The following TNS1 variants were observed in gnomAD, a reference collection of about 807,000 sequenced individuals.
TNS1 encodes tensin 1.
TNS1 carries 62 observed loss-of-function variants against 168.6 expected under a neutral mutation model. The ratio of observed to expected loss-of-function variants is 0.37; its 90% CI spans 0.30 to 0.45. TNS1 has a LOEUF of 0.45. TNS1 is among the 20% of genes least tolerant of loss of function. The pLI is 1.00. For synonymous variants in TNS1, 934 were observed against 933.2 expected, an observed-to-expected ratio of 1.00 and a Z score of -0.02; for missense variants, 2,240 against 2,339.4, an observed-to-expected ratio of 0.96 and a Z score of 0.88.
chr2:217,906,840 T>G (rs559422312), intron 5 of TNS1, among the ~76,000 whole-genome samples: 1 of 152,340 alleles, frequency 6.6e-6, no homozygotes, highest in South Asian at 2.1e-4. Flanking sequence ...TTGAGGAAAC[T>G]GTCCAACTCT....
chr2:217,862,785 G>A (rs1948904632), intron 18 of TNS1, among the ~76,000 whole-genome samples: 1 of 152,238 alleles, frequency 6.6e-6, no homozygotes, highest in Non-Finnish European at 1.5e-5. Flanking sequence ...GATGCCATGA[G>A]ATGGGTGCTC....
At chr2:217,884,968 C>G in intron 16 of TNS1, 67 bp downstream of exon 16, 1 of 1,596,136 alleles carries the variant, frequency 6.3e-7, no homozygotes, top group Non-Finnish European at 8.6e-7. Context: ...CCCACCATAT[C>G]GTCTCAAACT....
upstream of TNS1, among the ~76,000 whole-genome samples, chr2:218,010,733 G>A (rs1463528678): frequency 6.6e-6 from 1 of 152,116 alleles, no homozygotes; most frequent in Non-Finnish European, 1.5e-5. Context: ...TGCAGTGAGG[G>A]TGTGAGCCTG....
Position 217,831,112 on chromosome 2 carries a change from C to A in TNS1, c.3373+343G>T, listed in dbSNP as rs551687747. Among the ~76,000 whole-genome samples, 17 of 152,212 alleles carry A rather than the reference C, an allele frequency of 1.1e-4. No homozygotes were observed. In the South Asian group the frequency reaches 2.3e-3, roughly 20 times the overall value. ...GTACATGTGTGTGTACCCATGTGTGCATGTATGTGCGCCCATGTACGTGTA... is the reference window on the plus strand; with the variant it reads ...GTACATGTGTGTGTACCCATGTGTGAATGTATGTGCGCCCATGTACGTGTA... On this transcript the variant is annotated intron_variant, in intron 22 of 32. Transcript: ENST00000682258.
upstream of TNS1, among the ~76,000 whole-genome samples, chr2:218,011,285 C>T (rs1222107677): frequency 6.6e-6 from 1 of 152,010 alleles, no homozygotes; most frequent in Non-Finnish European, 1.5e-5. Flanking sequence ...AGGTCCTGGA[C>T]TCTAGAGAGA....
chr2:217,998,590 T>C (rs1233740492), intron 1 of TNS1, among the ~76,000 whole-genome samples: 3 of 152,142 alleles, frequency 2.0e-5, no homozygotes, highest in Admixed American at 2.0e-4. Flanking sequence ...AGCCTTGACC[T>C]CCAGGGCTCA....
intron 22 of TNS1, among the ~76,000 whole-genome samples, chr2:217,828,555 C>T (rs1017148502): frequency 6.6e-6 from 1 of 152,176 alleles, no homozygotes; most frequent in Non-Finnish European, 1.5e-5. Context: ...AGAACCACAC[C>T]CTGGCCTCCC....
intron 23 of TNS1, among the ~76,000 whole-genome samples, chr2:217,820,797 C>T (rs1942730477): frequency 6.6e-6 from 1 of 152,164 alleles, no homozygotes; most frequent in Non-Finnish European, 1.5e-5. Flanking sequence ...CTCCTTGCTG[C>T]ACCCCTCCAC....
intron 8 of TNS1, 60 bp downstream of exon 8, chr2:217,897,738 G>A (rs1192848892): frequency 1.3e-6 from 2 of 1,492,036 alleles, no homozygotes; most frequent in Non-Finnish European, 1.8e-6. Context: ...TCATGTAGAG[G>A]TGGTGAGCAG....
At position 217,933,473 on chromosome 2, in the gene TNS1, G is replaced by C. The variant is rs72951906; in HGVS notation, c.187-13237C>G. Reference sequence around the variant, plus strand: ...TGGTGCTTGGGCCCCACCCCAACCAGAGCCACACAAACAGAAACACATCAG... The same window carrying C: ...TGGTGCTTGGGCCCCACCCCAACCACAGCCACACAAACAGAAACACATCAG... On this transcript the variant is annotated intron_variant, in intron 3 of 32. Transcript: ENST00000682258. Among the ~76,000 whole-genome samples the C allele has an allele frequency of 5.9e-4, 90 of 152,182 alleles. No individual in the cohort carries two copies. In the Middle Eastern group the frequency reaches 0.017, roughly 29 times the overall value.
At chr2:218,029,785 C>T (rs550188079) in intron 1 of TNS1, among the ~76,000 whole-genome samples, 2 of 152,318 alleles carry the variant, frequency 1.3e-5, no homozygotes, top group South Asian at 2.1e-4. Flanking sequence ...GCAGGAGGCA[C>T]ATTCTGAGAG....
At chr2:217,885,980 C>T (rs2288166) in intron 14 of TNS1, 64 bp downstream of exon 14, 185,857 of 1,592,426 alleles carry the variant, frequency 0.12, 15,353 homozygotes, top group African/African-American at 0.35. Context: ...CCCCAACCTT[C>T]TGACCTGGTC....
At chr2:217,935,123 G>C (rs1365963) in intron 3 of TNS1, among the ~76,000 whole-genome samples, 61,597 of 152,086 alleles carry the variant, frequency 0.41, 17,144 homozygotes, top group African/African-American at 0.8. Flanking sequence ...AGTTGACTCT[G>C]TCACCCTCCT....
upstream of TNS1, among the ~76,000 whole-genome samples, chr2:218,011,688 G>A (rs148374722): frequency 3.4e-3 from 521 of 151,770 alleles, 4 homozygotes; most frequent in African/African-American, 0.011. Context: ...GCTCTCCTCC[G>A]CCTGCCCCCC....
chr2:218,031,109 A>AGT (rs1160771806), intron 1 of TNS1, among the ~76,000 whole-genome samples: 3 of 99,256 alleles, frequency 3.0e-5, no homozygotes, highest in South Asian at 3.9e-4. Flanking sequence ...TGTGTGTATG[A>AGT]GTGTGTGTGA....
chr2:217,821,662 T>A (rs914247808), intron 23 of TNS1, 78 bp downstream of exon 23: 12 of 1,343,102 alleles, frequency 8.9e-6, no homozygotes, highest in Non-Finnish European at 1.2e-5. Flanking sequence ...AGGCAACAGA[T>A]CCAGGAGGCC....
At chr2:217,921,280 C>A (rs1185090465) in intron 3 of TNS1, among the ~76,000 whole-genome samples, 1 of 152,180 alleles carries the variant, frequency 6.6e-6, no homozygotes, top group Non-Finnish European at 1.5e-5. Context: ...GGGAGACTGT[C>A]CCTCGGGCAT....
At chr2:217,989,478 G>T (rs1346528892) in intron 2 of TNS1, among the ~76,000 whole-genome samples, 1 of 152,118 alleles carries the variant, frequency 6.6e-6, no homozygotes, top group African/African-American at 2.4e-5. Context: ...GGTGGGACGT[G>T]GGGGTGAAGG....
intron 18 of TNS1, among the ~76,000 whole-genome samples, chr2:217,853,930 A>G (rs992647137): frequency 6.6e-6 from 1 of 152,190 alleles, no homozygotes; most frequent in Admixed American, 6.5e-5. Context: ...CATCTCACAC[A>G]CTTAAAAAAG....
Sources: gnomAD v4.1 joint callset for allele counts (sites outside exome capture counted in the v4.1 genomes callset) on GRCh38, gnomAD v4.1.1 for gene constraint, MANE v1.5 for transcripts, NCBI Gene and HGNC (gene_info 2026-07-23, HGNC 2026-07-21) for gene names.